The following AHRR variants were observed in gnomAD, a reference collection of about 807,000 sequenced individuals.
AHRR encodes ahR repressor.
Under a neutral mutation model 44.0 loss-of-function variants are expected in AHRR, and 28 were observed. The observed-to-expected ratio is 0.64, with a 90% CI of 0.47 to 0.87. The LOEUF (loss-of-function observed/expected upper bound fraction) is 0.87. AHRR is among the 40% of genes least tolerant of loss of function. AHRR has a pLI of 0.00. For missense variants in AHRR, 990 were observed against 953.9 expected (o/e 1.04, Z -0.50); for synonymous variants, 434 against 407.0 (o/e 1.07, Z -0.80).
At chr5:353,651 T>C (rs1404599843) in intron 2 of AHRR, 79 bp from the exon 3 acceptor site, 1 of 1,390,594 alleles carries the variant, frequency 7.2e-7, no homozygotes, top group Admixed American at 2.1e-5. Flanking sequence ...GTAAGGTCAC[T>C]GCAGAGGACG....
At chr5:336,961 G>A (rs149162950) in intron 1 of AHRR, among the ~76,000 whole-genome samples, 115 of 152,114 alleles carry the variant, frequency 7.6e-4, no homozygotes, top group African/African-American at 2.7e-3. Flanking sequence ...ACCATTTGTT[G>A]AAGAGATTGT....
chr5:428,111 A>C (rs1736553260), intron 8 of AHRR, 105 bp downstream of exon 8: 3 of 1,306,310 alleles, frequency 2.3e-6, no homozygotes, highest in Non-Finnish European at 3.2e-6. Context: ...ATTTCCAGCC[A>C]GTAATAAGTC....
At chr5:322,558 A>T (rs1341018821) in intron 1 of AHRR, 1 of 151,828 alleles carries the variant, frequency 6.6e-6, no homozygotes, top group Non-Finnish European at 1.5e-5. Context: ...GGGTTCTTGC[A>T]GAAGGGTGGG....
At chr5:374,633 A>G (rs1877840) in intron 3 of AHRR, among the ~76,000 whole-genome samples, 107,454 of 152,100 alleles carry the variant, frequency 0.71, 38,579 homozygotes, top group African/African-American at 0.77. Flanking sequence ...TGAGGGAGAA[A>G]TGAGGGCTCA....
At chr5:429,325 C>A (rs944917358) in intron 8 of AHRR, among the ~76,000 whole-genome samples, 2 of 131,206 alleles carry the variant, frequency 1.5e-5, no homozygotes, top group African/African-American at 5.2e-5. Flanking sequence ...GAGGTAGGGC[C>A]GGGGCCGCCA....
At chr5:328,254 G>GTTTTTTTT (rs1741783616) in intron 1 of AHRR, among the ~76,000 whole-genome samples, 1 of 76,036 alleles carries the variant, frequency 1.3e-5, no homozygotes, top group African/African-American at 5.0e-5. Flanking sequence ...ACCAACATCT[G>GTTTTTTTT]ATTTTTTTTT....
At chr5:353,936 T>G (rs2013782) in intron 3 of AHRR, 25 bp downstream of exon 3, 1 of 1,595,652 alleles carries the variant, frequency 6.3e-7, no homozygotes, top group South Asian at 1.1e-5. Context: ...TGCTCCCACC[T>G]GTTCACTTGA....
At chr5:381,682 C>G (rs191197922) in intron 4 of AHRR, among the ~76,000 whole-genome samples, 87 of 135,244 alleles carry the variant, frequency 6.4e-4, no homozygotes, top group Non-Finnish European at 9.8e-4. Flanking sequence ...GCCCAGCTAA[C>G]TTTTTGTATT....
At chr5:403,802 C>G (rs1170001350) in intron 4 of AHRR, 55 of 1,540,202 alleles carry the variant, frequency 3.6e-5, no homozygotes, top group Non-Finnish European at 4.6e-5. Context: ...TCCTGGGTCT[C>G]TTGAGTTTCT....
Position 427,862 on chromosome 5 carries a change from C to A in AHRR, c.764C>A (p.Pro255Gln). ...CTGTTTGGACAGAAGAAGAAGGCGC[C>A]GTCAGGAGCCATGCTCCCGCCGCGG... ...KFLFGQKKKA[P>Q]SGAMLPPRLS... Residue 255 changes from proline (P) to glutamine (Q), a missense_variant, in exon 8 of 11, where the codon CCG becomes CAG. Pro to Gln is a moderately conservative substitution (Grantham distance 76). Coordinates refer to ENST00000684583, the MANE Select transcript of AHRR (RefSeq NM_001377236.1). The A allele has an allele frequency of 6.2e-7, 1 of 1,614,132 alleles. No homozygotes were observed. Among genetic ancestry groups the A allele is most frequent in the Non-Finnish European group, 8.5e-7 (1 of 1,180,042 alleles).
intron 5 of AHRR, 104 bp from the exon 6 acceptor site, chr5:422,625 T>C: frequency 6.7e-7 from 1 of 1,496,920 alleles, no homozygotes; most frequent in Admixed American, 1.7e-5. Flanking sequence ...GGCTGTGACT[T>C]GCTTTGACAA....
At chr5:400,009 GC>G (rs1348999149) in intron 4 of AHRR, among the ~76,000 whole-genome samples, 1 of 152,204 alleles carries the variant, frequency 6.6e-6, no homozygotes, top group Non-Finnish European at 1.5e-5. Flanking sequence ...TGAGTGATCT[GC>G]CTCCAGGAGG....
In AHRR at chr5:326,746, C is replaced by G. The variant is rs1221754916; in HGVS notation, c.-11+4927C>G. On this transcript the variant is annotated intron_variant, in intron 1 of 10. Coordinates refer to ENST00000684583, the MANE Select transcript of AHRR (RefSeq NM_001377236.1). The surrounding 1 kb of genome is among the most constrained non-coding windows in gnomAD (Gnocchi z 4.1). ...CAATTTCTCCATAGCCCCACTGACC[C>G]TTGTTATGTTCCATTAAAAAAAATG... 6.6e-6 allele frequency among the ~76,000 whole-genome samples: 1 copy of G among 152,054 alleles called. No homozygotes were observed. Among genetic ancestry groups the G allele is most frequent in the Non-Finnish European group, 1.5e-5 (1 of 68,006 alleles).
intron 4 of AHRR, chr5:403,818 T>C (rs781464877): frequency 1.0e-4 from 157 of 1,529,994 alleles, no homozygotes; most frequent in Non-Finnish European, 1.4e-4. Flanking sequence ...TTTCTCGATA[T>C]GCCTTCTCTT....
intron 3 of AHRR, 65 bp from the exon 4 acceptor site, chr5:376,545 T>G (rs1733680126): frequency 1.6e-5 from 22 of 1,402,540 alleles, no homozygotes; most frequent in Admixed American, 4.6e-5. Context: ...AGGAAAGATG[T>G]GAATGAAGAA....
At chr5:381,506 CTTTTTTT>C (rs781159124) in intron 4 of AHRR, among the ~76,000 whole-genome samples, 10 of 46,890 alleles carry the variant, frequency 2.1e-4, no homozygotes, top group South Asian at 1.1e-3. Flanking sequence ...CTTAGGTTTG[CTTTTTTT>C]TTTTTTTTTT....
intron 2 of AHRR, among the ~76,000 whole-genome samples, chr5:346,432 G>A (rs549192247): frequency 1.3e-5 from 2 of 152,256 alleles, no homozygotes; most frequent in South Asian, 2.1e-4. Flanking sequence ...ATAAAAGCAG[G>A]AAATTTCGTT....
At chr5:385,576 G>C (rs1472566896) in intron 4 of AHRR, among the ~76,000 whole-genome samples, 1 of 152,204 alleles carries the variant, frequency 6.6e-6, no homozygotes, top group Non-Finnish European at 1.5e-5. Context: ...TCTGGCCTCT[G>C]TGGTTTCTGA....
chr5:344,958 TGA>T (rs1742557829), intron 2 of AHRR, among the ~76,000 whole-genome samples: 1 of 10,798 alleles, frequency 9.3e-5, no homozygotes, highest in East Asian at 1.3e-3. Context: ...GGTGTGTGTG[TGA>T]GGTTGGGGGC....
Sources: gnomAD v4.1 joint callset for allele counts (sites outside exome capture counted in the v4.1 genomes callset) on GRCh38, gnomAD v4.1.1 for gene constraint, Gnocchi (gnomAD v3.1) non-coding constraint, MANE v1.5 for transcripts, NCBI Gene and HGNC (gene_info 2026-07-23, HGNC 2026-07-21) for gene names.